Variants in GPR137C observed in about 807,000 individuals in gnomAD.
GPR137C encodes G protein-coupled receptor 137C.
In GPR137C, 27 loss-of-function variants were observed where a neutral mutation model predicts 43.4. The ratio of observed to expected loss-of-function variants is 0.62; its 90% CI spans 0.46 to 0.86. The LOEUF (loss-of-function observed/expected upper bound fraction) is 0.86. GPR137C is among the 40% of genes least tolerant of loss of function. The pLI is 0.00. For synonymous variants in GPR137C, 285 were observed against 226.9 expected (o/e 1.26, Z -2.30); for missense variants, 522 against 534.6 (o/e 0.98, Z 0.23).
At chr14:52,573,140 A>C (rs374946395) in intron 1 of GPR137C, among the ~76,000 whole-genome samples, 1 of 152,236 alleles carries the variant, frequency 6.6e-6, no homozygotes, top group Non-Finnish European at 1.5e-5. Context: ...GAAAATGGCC[A>C]TACTGCCCAA....
intron 3 of GPR137C, among the ~76,000 whole-genome samples, chr14:52,626,057 C>A (rs554106692): frequency 2.3e-4 from 35 of 152,260 alleles, no homozygotes; most frequent in Non-Finnish European, 4.6e-4. Flanking sequence ...AGAATAACAA[C>A]TATTTACATA....
chr14:52,577,512 G>GCA (rs1325088914), intron 1 of GPR137C, among the ~76,000 whole-genome samples: 11 of 92,104 alleles, frequency 1.2e-4, no homozygotes, highest in Admixed American at 2.2e-4. Context: ...GCGTGCGCGC[G>GCA]CGCGCACACA....
rs533625959 is a variant in GPR137C, at chr14:52,554,480, A to C, written c.444+889A>C. Among the ~76,000 whole-genome samples the C allele has an allele frequency of 1.2e-4, 18 of 152,186 alleles. No homozygotes were observed. In the South Asian group the frequency reaches 3.7e-3, roughly 32 times the overall value. On this transcript the variant is annotated intron_variant, in intron 1 of 6. Transcript: ENST00000321662. ...TTGACCCATTTCAAACAGGTTTGGG[A>C]GTGTAAGGTTGTCAATCATGTGTGT...
chr14:52,563,442 C>T (rs1213142452), intron 1 of GPR137C, among the ~76,000 whole-genome samples: 1 of 152,176 alleles, frequency 6.6e-6, no homozygotes, highest in Non-Finnish European at 1.5e-5. Flanking sequence ...TCAGATTCAA[C>T]ATGATCTTTC....
Position 52,563,944 on chromosome 14 carries a change from A to G in GPR137C, c.444+10353A>G, listed in dbSNP as rs186660889. Among the ~76,000 whole-genome samples, 150 of 152,120 alleles carry G rather than the reference A, an allele frequency of 9.9e-4. 2 individuals carry two copies. Among genetic ancestry groups the G allele is most frequent in the Admixed American group, 9.6e-3 (147 of 15,280 alleles). ...TGGCCCCCACAGGCCCATTCTCCAC[A>G]GTGTTGCCAGAGTTTTTTGGAACAA... On this transcript the variant is annotated intron_variant, in intron 1 of 6. Transcript: ENST00000321662.
At chr14:52,621,556 C>A (rs1168717040) in intron 3 of GPR137C, among the ~76,000 whole-genome samples, 2 of 151,638 alleles carry the variant, frequency 1.3e-5, no homozygotes, top group Non-Finnish European at 3.0e-5. Context: ...AAACAAAAAT[C>A]ACGTAATATT....
In GPR137C at chr14:52,552,850, G is replaced by C. The variant is rs561145053; in HGVS notation, c.-298G>C. Among the ~76,000 whole-genome samples, 1 of 152,086 alleles carries C rather than the reference G, an allele frequency of 6.6e-6. No homozygotes were observed. The highest frequency in any genetic ancestry group is 1.5e-5 in the Non-Finnish European group (1 of 68,018). ...CGCGAGCCCACAGTGCGGAGCGAGC[G>C]CCTCAAATGCTCGGGTTTCTCAGCT... On this transcript the variant is annotated 5_prime_UTR_variant, in exon 1 of 7. Transcript: ENST00000321662.
intron 1 of GPR137C, among the ~76,000 whole-genome samples, chr14:52,570,583 TCCTATATTCAGGAGA>T (rs1435425990): frequency 2.6e-5 from 4 of 152,144 alleles, no homozygotes; most frequent in Non-Finnish European, 5.9e-5. Context: ...CCCATTGATG[TCCTATATTCAGGAGA>T]CCCGTCTCAC....
At chr14:52,580,807 ATTAT>A (rs35996707) in intron 1 of GPR137C, among the ~76,000 whole-genome samples, 18,972 of 146,316 alleles carry the variant, frequency 0.13, 1,298 homozygotes, top group Non-Finnish European at 0.15. Context: ...ATATTTATAT[ATTAT>A]TTATATTTAT....
At chr14:52,625,972 C>T (rs1234906506) in intron 3 of GPR137C, among the ~76,000 whole-genome samples, 4 of 151,990 alleles carry the variant, frequency 2.6e-5, no homozygotes, top group Non-Finnish European at 5.9e-5. Context: ...ATTCAACTAA[C>T]CTTGAATTGA....
chr14:52,571,609 G>A (rs1214813201), intron 1 of GPR137C, among the ~76,000 whole-genome samples: 1 of 152,118 alleles, frequency 6.6e-6, no homozygotes, highest in Non-Finnish European at 1.5e-5. Context: ...GGGAGGTGGA[G>A]GTTGCAGTGA....
At chr14:52,592,453 C>A (rs1388243067) in intron 1 of GPR137C, among the ~76,000 whole-genome samples, 3 of 152,176 alleles carry the variant, frequency 2.0e-5, no homozygotes, top group Non-Finnish European at 4.4e-5. Context: ...CTGCTTCTTC[C>A]TATCCATGAG....
intron 1 of GPR137C, among the ~76,000 whole-genome samples, chr14:52,555,060 A>G (rs1453597168): frequency 6.6e-6 from 1 of 151,944 alleles, no homozygotes; most frequent in Non-Finnish European, 1.5e-5. Context: ...TACCCTTTAT[A>G]CTTAAACTGA....
chr14:52,607,164 G>C (rs946183685), intron 3 of GPR137C, among the ~76,000 whole-genome samples: 8 of 152,102 alleles, frequency 5.3e-5, no homozygotes, highest in African/African-American at 1.9e-4. Flanking sequence ...GATATGATTT[G>C]ACTTTGTTTA....
At chr14:52,567,985 A>C (rs1029743816) in intron 1 of GPR137C, among the ~76,000 whole-genome samples, 1 of 152,052 alleles carries the variant, frequency 6.6e-6, no homozygotes, top group African/African-American at 2.4e-5. Flanking sequence ...ATCCAGATTA[A>C]CTACCTGGTG....
chr14:52,624,582 G>A (rs890573092), intron 3 of GPR137C, among the ~76,000 whole-genome samples: 3 of 45,586 alleles, frequency 6.6e-5, no homozygotes, highest in African/African-American at 9.6e-5. Context: ...AAATTAGCCG[G>A]GTGTGGTGGT....
chr14:52,607,789 C>T (rs1025446670), intron 3 of GPR137C, among the ~76,000 whole-genome samples: 1 of 151,936 alleles, frequency 6.6e-6, no homozygotes, highest in African/African-American at 2.4e-5. Flanking sequence ...GCACAAGAAT[C>T]GCTTGAGCAC....
At chr14:52,631,728 A>AG (rs2039295878) in intron 3 of GPR137C, among the ~76,000 whole-genome samples, 1 of 152,200 alleles carries the variant, frequency 6.6e-6, no homozygotes, top group Non-Finnish European at 1.5e-5. Context: ...AAAGAATGAA[A>AG]GCAAATAGCA....
At chr14:52,574,075 G>A (rs145296178) in intron 1 of GPR137C, among the ~76,000 whole-genome samples, 2,491 of 152,276 alleles carry the variant, frequency 0.016, 67 homozygotes, top group African/African-American at 0.056. Flanking sequence ...AACAACAGAT[G>A]CTGGAGAGCA....
Sources: allele counts gnomAD v4.1 joint callset (sites outside exome capture counted in the v4.1 genomes callset), GRCh38; gene constraint gnomAD v4.1.1; transcripts MANE v1.5; gene names NCBI Gene and HGNC (gene_info 2026-07-23, HGNC 2026-07-21).